The following EVC2 variants were observed in gnomAD, a reference collection of about 807,000 sequenced individuals.
EVC2 encodes the protein limbin.
EVC2 carries 148 observed loss-of-function variants against 149.3 expected under a neutral mutation model. The observed-to-expected ratio is 0.99, with a 90% CI of 0.87 to 1.14. The LOEUF is 1.14. EVC2 is among the 50% of genes most tolerant of loss of function. The pLI is 0.00. For synonymous variants in EVC2, 776 were observed against 649.9 expected (o/e 1.19, Z -2.95); for missense variants, 1,854 against 1,627.3 (o/e 1.14, Z -2.40).
chr4:5,615,371 C>T, intron 16 of EVC2, 51 bp downstream of exon 16: 1 of 1,613,154 alleles, frequency 6.2e-7, no homozygotes, highest in African/African-American at 1.3e-5. Flanking sequence ...GCTATCAGAG[C>T]AGCCCCGCCA....
At chr4:5,634,840 C>G (rs936882356) in intron 10 of EVC2, among the ~76,000 whole-genome samples, 1 of 151,980 alleles carries the variant, frequency 6.6e-6, no homozygotes. Context: ...GTGACAGGCA[C>G]TAGGAACTAC....
At chr4:5,571,437 G>A (rs1004923897) in intron 19 of EVC2, among the ~76,000 whole-genome samples, 2 of 150,840 alleles carry the variant, frequency 1.3e-5, no homozygotes, top group East Asian at 3.9e-4. Flanking sequence ...AAAACCACCT[G>A]TCCCCAATTA....
chr4:5,605,436 C>A (rs1304502049), intron 16 of EVC2, among the ~76,000 whole-genome samples: 1 of 152,004 alleles, frequency 6.6e-6, no homozygotes, highest in Admixed American at 6.5e-5. Context: ...GGGTCAGCAC[C>A]CCAACCCCCA....
At chr4:5,624,313 T>C (rs60446723) in intron 13 of EVC2, among the ~76,000 whole-genome samples, 6,640 of 152,320 alleles carry the variant, frequency 0.044, 175 homozygotes, top group African/African-American at 0.058. Flanking sequence ...TCAATAAATA[T>C]TAGCACCAAC....
At chr4:5,664,542 G>A (rs902464369) in intron 8 of EVC2, among the ~76,000 whole-genome samples, 2 of 152,172 alleles carry the variant, frequency 1.3e-5, no homozygotes, top group African/African-American at 4.8e-5. Flanking sequence ...TACAAGGTCT[G>A]ATTAGATGGG....
chr4:5,661,698 T>A (rs778530369), intron 9 of EVC2, among the ~76,000 whole-genome samples: 1 of 152,228 alleles, frequency 6.6e-6, no homozygotes, highest in African/African-American at 2.4e-5. Context: ...ATGAACCTCA[T>A]CTAGTTAAGG....
downstream of EVC2, among the ~76,000 whole-genome samples, chr4:5,540,811 T>G (rs1721498122): frequency 6.6e-6 from 1 of 152,212 alleles, no homozygotes; most frequent in African/African-American, 2.4e-5. Flanking sequence ...TGCGATTTAT[T>G]ATATATGAAT....
At chr4:5,619,068 A>G (rs556006374) in intron 14 of EVC2, among the ~76,000 whole-genome samples, 1 of 152,316 alleles carries the variant, frequency 6.6e-6, no homozygotes, top group South Asian at 2.1e-4. Flanking sequence ...GAGGAGAGAC[A>G]CACAAAACTC....
At position 5,613,396 on chromosome 4, in the gene EVC2, C is replaced by T. The variant is rs1715004853; in HGVS notation, c.2829+2026G>A. The stretch of plus-strand genomic sequence containing the variant: ...CAGTCACCTTCACTCTGGCGGGTTT[C>T]ACCTCTTACAGAGGATCACAAAGCA... On this transcript the variant is annotated intron_variant, in intron 16 of 21. Coordinates refer to ENST00000344408, the MANE Select transcript of EVC2 (RefSeq NM_147127.5). The surrounding 1 kb of genome is among the most constrained non-coding windows in gnomAD (Gnocchi z 4.6). Among the ~76,000 whole-genome samples, 1 of 152,190 alleles carries T rather than the reference C, an allele frequency of 6.6e-6. No individual in the cohort carries two copies. The highest frequency in any genetic ancestry group is 2.4e-5 in the African/African-American group (1 of 41,446).
intron 16 of EVC2, among the ~76,000 whole-genome samples, chr4:5,600,228 A>C (rs955570839): frequency 2.0e-5 from 3 of 152,204 alleles, no homozygotes; most frequent in African/African-American, 7.2e-5. Flanking sequence ...CCTGGTGCCT[A>C]CGGAGTACCT....
At chr4:5,620,646 C>T (rs1715621278) in intron 14 of EVC2, among the ~76,000 whole-genome samples, 1 of 152,208 alleles carries the variant, frequency 6.6e-6, no homozygotes, top group South Asian at 2.1e-4. Context: ...TGAGCAGACT[C>T]ACATTGCGTA....
At chr4:5,574,584 T>C (rs1722808252) in intron 19 of EVC2, 101 bp downstream of exon 19, 2 of 1,262,724 alleles carry the variant, frequency 1.6e-6, no homozygotes, top group South Asian at 2.4e-5. Flanking sequence ...AAGGCTGGCT[T>C]TTCATCACCA....
intron 9 of EVC2, among the ~76,000 whole-genome samples, chr4:5,656,538 A>G (rs1378210209): frequency 6.6e-6 from 1 of 152,176 alleles, no homozygotes; most frequent in African/African-American, 2.4e-5. Flanking sequence ...TGAGCCCTAA[A>G]CCCAGTCCCA....
rs1722363797 is a variant in EVC2, at chr4:5,567,530, G to T, written c.3557+914C>A. ...ATCCTGGTGCAATGTTTTCATCCTG[G>T]CCATGGCTTTCCTTGCAGCCTCATT... On this transcript the variant is annotated intron_variant, in intron 20 of 21. Coordinates refer to ENST00000344408, the MANE Select transcript of EVC2 (RefSeq NM_147127.5). The surrounding 1 kb of genome is among the most constrained non-coding windows in gnomAD (Gnocchi z 4.4). Among the ~76,000 whole-genome samples the T allele has an allele frequency of 6.6e-6, 1 of 152,032 alleles. No homozygotes were observed. Among genetic ancestry groups the T allele is most frequent in the Non-Finnish European group, 1.5e-5 (1 of 68,008 alleles).
At chr4:5,532,894 A>G in the EVC2 span, among the ~76,000 whole-genome samples, 1 of 151,792 alleles carries the variant, frequency 6.6e-6, no homozygotes, top group East Asian at 2.0e-4. Flanking sequence ...GCTGGACTCT[A>G]ATGCCTGAGT....
intron 16 of EVC2, among the ~76,000 whole-genome samples, chr4:5,588,930 T>C (rs1050936058): frequency 3.3e-5 from 5 of 152,254 alleles, no homozygotes; most frequent in African/African-American, 1.2e-4. Context: ...AGCATTCCAA[T>C]AATGGAACAC....
chr4:5,625,801 T>C lies in EVC2; in HGVS notation c.1994A>G (p.Lys665Arg). The C allele has an allele frequency of 1.2e-6, 2 of 1,614,180 alleles. No individual in the cohort carries two copies. Among genetic ancestry groups the C allele is most frequent in the Non-Finnish European group, 1.7e-6 (2 of 1,180,036 alleles). Residue 665 changes from lysine (K) to arginine (R), a missense_variant, in exon 13 of 22, where the codon AAA (lysine) becomes AGA (arginine). Coordinates refer to ENST00000344408, the MANE Select transcript of EVC2 (RefSeq NM_147127.5). This position sits in a 1 kb window ranked among gnomAD's most constrained non-coding sequence, Gnocchi z 4.0. ...KLDNDLKQEKKKLHQKLITKR... is the reference protein window; with the variant it reads ...KLDNDLKQEKRKLHQKLITKR... The stretch of plus-strand genomic sequence containing the variant: ...AGTTATTAATTTTTGGTGGAGCTTT[T>C]TCTTTTCCTGCTTTAAGTCATTGTC...
chr4:5,572,443 C>T (rs1178165243), intron 19 of EVC2, among the ~76,000 whole-genome samples: 1 of 152,150 alleles, frequency 6.6e-6, no homozygotes, highest in Admixed American at 6.5e-5. Flanking sequence ...CTCCAGGGAA[C>T]TAGCTTAGCC....
At chr4:5,676,048 GGCA>G (rs1719968027) in intron 7 of EVC2, among the ~76,000 whole-genome samples, 1 of 152,176 alleles carries the variant, frequency 6.6e-6, no homozygotes, top group Non-Finnish European at 1.5e-5. Context: ...CTGAGATCCT[GGCA>G]GCAGAACACT....
Sources: gnomAD v4.1 joint callset for allele counts (sites outside exome capture counted in the v4.1 genomes callset) on GRCh38, gnomAD v4.1.1 for gene constraint, Gnocchi (gnomAD v3.1) non-coding constraint, MANE v1.5 for transcripts, NCBI Gene and HGNC (gene_info 2026-07-23, HGNC 2026-07-21) for gene names.